The following LCLAT1 variants were observed in gnomAD, a reference collection of about 807,000 sequenced individuals.
LCLAT1 encodes 1-AGP acyltransferase 8.
In LCLAT1, 11 loss-of-function variants were observed where a neutral mutation model predicts 30.7. The ratio of observed to expected loss-of-function variants is 0.36; its 90% CI spans 0.23 to 0.59. The LOEUF (loss-of-function observed/expected upper bound fraction) is 0.59, where lower values mean the gene tolerates loss of function less well. Ranked by LOEUF, LCLAT1 falls within the 20% of genes least tolerant of loss-of-function variation. The pLI is 0.77. For synonymous variants in LCLAT1, 155 were observed against 151.3 expected, an observed-to-expected ratio of 1.02 and a Z score of -0.18; for missense variants, 402 against 458.6, an observed-to-expected ratio of 0.88 and a Z score of 1.13.
At chr2:30,627,437 T>A (rs1042448818) in intron 5 of LCLAT1, among the ~76,000 whole-genome samples, 3 of 152,236 alleles carry the variant, frequency 2.0e-5, no homozygotes, top group African/African-American at 7.2e-5. Context: ...TTTTGTGACC[T>A]TCTAGGTGCA....
At chr2:30,540,747 G>A (rs367658363) in intron 3 of LCLAT1, among the ~76,000 whole-genome samples, 2 of 149,986 alleles carry the variant, frequency 1.3e-5, no homozygotes, top group African/African-American at 4.9e-5. Context: ...TCACTGCAAT[G>A]TCCGCCTCCC....
Position 30,640,812 on chromosome 2 carries a change from C to G in LCLAT1, c.*193C>G. 1 of 632,320 alleles carries G rather than the reference C, an allele frequency of 1.6e-6. No individual in the cohort carries two copies. The highest frequency in any genetic ancestry group is 2.6e-6 in the Non-Finnish European group (1 of 381,842). The allele number at this position is 632,320 out of a possible 1,614,324, so 39.2% of individuals were successfully genotyped here. ...TTTTTTTAATCTCTGAATGTAATTT[C>G]GATACTGTGTACATAGCAGGGAGTG... On this transcript the variant is annotated 3_prime_UTR_variant, in exon 6 of 6. Transcript: ENST00000379509.
At chr2:30,545,549 T>C (rs1005465973) in intron 3 of LCLAT1, among the ~76,000 whole-genome samples, 9 of 152,172 alleles carry the variant, frequency 5.9e-5, no homozygotes, top group Non-Finnish European at 1.2e-4. Context: ...AAATAAATCA[T>C]TAAAAGTATT....
At chr2:30,500,004 AT>A (rs1684295548) in intron 1 of LCLAT1, among the ~76,000 whole-genome samples, 1 of 152,210 alleles carries the variant, frequency 6.6e-6, no homozygotes, top group African/African-American at 2.4e-5. Flanking sequence ...TGTTTGAGTA[AT>A]TGACCCTGTT....
chr2:30,620,387 A>C (rs1489181701), intron 5 of LCLAT1, among the ~76,000 whole-genome samples: 1 of 152,212 alleles, frequency 6.6e-6, no homozygotes, highest in Non-Finnish European at 1.5e-5. Context: ...TTCTTAGGCT[A>C]CTAGAGTTTG....
intron 1 of LCLAT1, among the ~76,000 whole-genome samples, chr2:30,480,651 G>A (rs1173974864): frequency 2.6e-5 from 4 of 152,052 alleles, no homozygotes; most frequent in African/African-American, 4.8e-5. Context: ...TCTTTGGGAG[G>A]CCTAGGCGAG....
intron 3 of LCLAT1, among the ~76,000 whole-genome samples, chr2:30,551,537 T>C (rs552143127): frequency 6.6e-6 from 1 of 152,336 alleles, no homozygotes; most frequent in South Asian, 2.1e-4. Context: ...GAGTTTTCCA[T>C]TGCAGCTTAT....
intron 5 of LCLAT1, among the ~76,000 whole-genome samples, chr2:30,599,053 G>T (rs1307356749): frequency 2.6e-5 from 4 of 151,660 alleles, no homozygotes; most frequent in Non-Finnish European, 1.5e-5. Flanking sequence ...CGTGATCTCG[G>T]CTCACTGCAA....
At chr2:30,582,443 G>A (rs1666247542) in intron 5 of LCLAT1, among the ~76,000 whole-genome samples, 1 of 152,120 alleles carries the variant, frequency 6.6e-6, no homozygotes, top group Non-Finnish European at 1.5e-5. Flanking sequence ...GTATTTGTAG[G>A]TGATTATCCT....
intron 5 of LCLAT1, among the ~76,000 whole-genome samples, chr2:30,611,794 TAGG>T (rs893082152): frequency 6.6e-6 from 1 of 152,116 alleles, no homozygotes; most frequent in African/African-American, 2.4e-5. Context: ...CTTGAACTAA[TAGG>T]AGGAGGATGA....
At chr2:30,551,309 G>C (rs1021721130) in intron 3 of LCLAT1, among the ~76,000 whole-genome samples, 2 of 152,144 alleles carry the variant, frequency 1.3e-5, no homozygotes, top group African/African-American at 4.8e-5. Context: ...GCCTAGCCTG[G>C]GAGTGCCTGA....
intron 3 of LCLAT1, among the ~76,000 whole-genome samples, chr2:30,541,868 C>T (rs773827335): frequency 7.2e-5 from 11 of 152,064 alleles, no homozygotes; most frequent in Admixed American, 6.6e-5. Context: ...TGTCCCATAT[C>T]CTTGTCAGCA....
At chr2:30,497,757 T>C (rs1393704168) in intron 1 of LCLAT1, among the ~76,000 whole-genome samples, 3 of 152,214 alleles carry the variant, frequency 2.0e-5, no homozygotes, top group Non-Finnish European at 4.4e-5. Context: ...TATTTTTTAA[T>C]GCATTGTCAG....
chr2:30,547,487 AGCCTCCTGTCAGCAGGGATGGTT>A (rs1468541841), intron 3 of LCLAT1, among the ~76,000 whole-genome samples: 8 of 152,198 alleles, frequency 5.3e-5, no homozygotes, highest in African/African-American at 1.7e-4. Flanking sequence ...TGGCTTTCTC[AGCCTCCTGTCAGCAGGGATGGTT>A]GTTTGAGCCA....
At chr2:30,520,847 A>G (rs998017879) in intron 1 of LCLAT1, among the ~76,000 whole-genome samples, 1 of 152,354 alleles carries the variant, frequency 6.6e-6, no homozygotes, top group Admixed American at 6.5e-5. Flanking sequence ...TAAAAAATAT[A>G]CTTTCTATGG....
At chr2:30,458,432 G>A (rs1681940148) in intron 1 of LCLAT1, among the ~76,000 whole-genome samples, 1 of 152,152 alleles carries the variant, frequency 6.6e-6, no homozygotes, top group South Asian at 2.1e-4. Flanking sequence ...TGCTCCTCAG[G>A]GAGTAGGAAC....
At chr2:30,480,114 T>C (rs921687923) in intron 1 of LCLAT1, among the ~76,000 whole-genome samples, 1 of 152,242 alleles carries the variant, frequency 6.6e-6, no homozygotes, top group South Asian at 2.1e-4. Context: ...TTAATACTTT[T>C]ATATTTGTTG....
intron 5 of LCLAT1, among the ~76,000 whole-genome samples, chr2:30,621,940 T>C (rs1489503333): frequency 1.3e-5 from 2 of 152,152 alleles, no homozygotes; most frequent in Admixed American, 6.5e-5. Context: ...AGTGCAGATA[T>C]GATCACAGAA....
chr2:30,566,218 T>C (rs576510656), intron 4 of LCLAT1, among the ~76,000 whole-genome samples: 2 of 152,276 alleles, frequency 1.3e-5, no homozygotes, highest in South Asian at 4.1e-4. Flanking sequence ...TTTAGAGCTG[T>C]TTATACTTGT....
Sources: gnomAD v4.1 joint callset for allele counts (sites outside exome capture counted in the v4.1 genomes callset) on GRCh38, gnomAD v4.1.1 for gene constraint, MANE v1.5 for transcripts, NCBI Gene and HGNC (gene_info 2026-07-23, HGNC 2026-07-21) for gene names.